DHDDS: variants seen among roughly 807,000 people sequenced by gnomAD.
DHDDS encodes the protein dehydrodolichyl diphosphate synthase subunit.
DHDDS carries 16 observed loss-of-function variants against 46.2 expected under a neutral mutation model. That is an observed-to-expected ratio of 0.35 (90% CI 0.23 to 0.53). The LOEUF (loss-of-function observed/expected upper bound fraction) is 0.53. Ranked by LOEUF, DHDDS falls within the 20% of genes least tolerant of loss-of-function variation. The pLI is 0.94. For synonymous variants in DHDDS, 151 were observed against 163.1 expected (o/e 0.93, Z 0.56); for missense variants, 340 against 423.7 (o/e 0.80, Z 1.73).
At chr1:26,468,821 C>CAAACAA in intron 8 of DHDDS, 74 bp from the exon 9 acceptor site, 5 of 1,546,474 alleles carry the variant, frequency 3.2e-6, no homozygotes, top group Non-Finnish European at 4.4e-6. Context: ...GCCCCACCCC[C>CAAACAA]TACCTCCTCC....
chr1:26,451,338 T>C (rs2075316921), intron 6 of DHDDS, among the ~76,000 whole-genome samples: 1 of 152,056 alleles, frequency 6.6e-6, no homozygotes, highest in African/African-American at 2.4e-5. Flanking sequence ...ATAGCTGGAA[T>C]TTTCCTGATT....
intron 8 of DHDDS, among the ~76,000 whole-genome samples, chr1:26,460,521 A>G (rs932814188): frequency 3.9e-5 from 6 of 152,250 alleles, no homozygotes; most frequent in Non-Finnish European, 7.3e-5. Context: ...TTATTCCTTT[A>G]AAGTATTACC....
intron 4 of DHDDS, among the ~76,000 whole-genome samples, chr1:26,444,084 C>A (rs981617166): frequency 1.3e-5 from 2 of 152,210 alleles, no homozygotes; most frequent in African/African-American, 4.8e-5. Flanking sequence ...ACACTGTGCT[C>A]TGAGAGACAG....
At chr1:26,459,882 CCAG>C (rs1220191955) in intron 7 of DHDDS, among the ~76,000 whole-genome samples, 152 bp from the exon 8 acceptor site, 1 of 152,200 alleles carries the variant, frequency 6.6e-6, no homozygotes, top group Non-Finnish European at 1.5e-5. Flanking sequence ...TGAATCAGGG[CCAG>C]CAGCAGCTGC....
rs17162144 is a variant in DHDDS at position 26,468,154 on chromosome 1, A to C, written c.766-741A>C. The stretch of plus-strand genomic sequence containing the variant: ...CTAACAGAAAGAGTGGATTGTGAAC[A>C]CTAACACTTATTCTACTATGCAGAA... On this transcript the variant is annotated intron_variant, in intron 8 of 8. Transcript: ENST00000236342. Among the ~76,000 whole-genome samples, 631 of 152,310 alleles carry C rather than the reference A, an allele frequency of 4.1e-3. 4 individuals carry two copies. The highest frequency in any genetic ancestry group is 0.014 in the African/African-American group (602 of 41,562).
chr1:26,440,523 C>T (rs772701581), intron 3 of DHDDS, among the ~76,000 whole-genome samples: 24 of 152,126 alleles, frequency 1.6e-4, no homozygotes, highest in Non-Finnish European at 7.4e-5. Context: ...AATAAGATGG[C>T]ACAATGAAAA....
In DHDDS at chr1:26,442,840, C is replaced by T. The variant is rs2075232074; in HGVS notation, c.290C>T (p.Ala97Val). Residue 97 changes from alanine to valine, a missense_variant, in exon 4 of 9, where the codon GCC becomes GTC. Transcript: ENST00000236342. ...KSEVDGLMDL[A>V]RQKFSRLMEE... ...GAGGTAGACGGGCTTATGGATCTGG[C>T]CCGGCAGAAGTTCAGCCGCTTGATG... 2 of 1,614,106 alleles carry T rather than the reference C, an allele frequency of 1.2e-6. No individual in the cohort carries two copies. Among genetic ancestry groups the T allele is most frequent in the Non-Finnish European group, 8.5e-7 (1 of 1,180,036 alleles).
At chr1:26,462,038 T>C (rs1455975152) in intron 8 of DHDDS, among the ~76,000 whole-genome samples, 1 of 151,830 alleles carries the variant, frequency 6.6e-6, no homozygotes, top group African/African-American at 2.4e-5. Flanking sequence ...TGATGATGAT[T>C]AGGATAATCA....
intron 6 of DHDDS, chr1:26,454,999 G>A: frequency 1.4e-6 from 2 of 1,466,064 alleles, no homozygotes; most frequent in Non-Finnish European, 1.9e-6. Flanking sequence ...CTCCACCATT[G>A]TAACGTCGGA....
At position 26,446,190 on chromosome 1, in the gene DHDDS, A is replaced by G. The variant is rs536629978; in HGVS notation, c.324-126A>G. ...TTGAAGGGATGCAATGAAATAATGC[A>G]TGTAGAACAGGGTCTGACACACAGG... is the stretch of plus-strand genomic sequence containing the variant. On this transcript the variant is annotated intron_variant, in intron 4 of 8. Coordinates refer to ENST00000236342, the MANE Select transcript of DHDDS (RefSeq NM_205861.3). 30 of 704,434 alleles carry G rather than the reference A, an allele frequency of 4.3e-5. No homozygotes were observed. The South Asian group carries it at 4.9e-4, about 11-fold the overall frequency. 43.6% of individuals were successfully genotyped at this position (704,434 alleles called of 1,614,324 possible).
chr1:26,468,809 G>GCCCCCCCCCCCCCCCCCCCCCCCCCCCTT, intron 8 of DHDDS, 86 bp from the exon 9 acceptor site: 1 of 997,408 alleles, frequency 1.0e-6, no homozygotes, highest in Non-Finnish European at 1.4e-6. Context: ...GGCCCACCCT[G>GCCCCCCCCCCCCCCCCCCCCCCCCCCCTT]TGCCCCACCC....
chr1:26,454,968 T>G, intron 6 of DHDDS: 1 of 1,591,488 alleles, frequency 6.3e-7, no homozygotes, highest in Non-Finnish European at 8.6e-7. Context: ...CCCCACTGCT[T>G]GGCCTGGGCA....
At chr1:26,464,404 G>A (rs371734398) in intron 8 of DHDDS, among the ~76,000 whole-genome samples, 2 of 152,116 alleles carry the variant, frequency 1.3e-5, no homozygotes, top group South Asian at 4.1e-4. Context: ...CTGCTTTAAG[G>A]CAGATACTAT....
chr1:26,456,338 C>G (rs1166978763), intron 6 of DHDDS, among the ~76,000 whole-genome samples: 1 of 152,096 alleles, frequency 6.6e-6, no homozygotes, highest in African/African-American at 2.4e-5. Flanking sequence ...CACCACTGCA[C>G]TCCAGTCTGG....
intron 3 of DHDDS, 99 bp from the exon 4 acceptor site, chr1:26,442,632 G>A: frequency 7.0e-7 from 1 of 1,428,780 alleles, no homozygotes; most frequent in South Asian, 1.2e-5. Flanking sequence ...AGAAAAGTCT[G>A]TCTCCTATCT....
chr1:26,464,038 G>A (rs558614822), intron 8 of DHDDS, among the ~76,000 whole-genome samples: 36 of 130,240 alleles, frequency 2.8e-4, no homozygotes, highest in African/African-American at 1.0e-3. Context: ...TCACTCTGTC[G>A]CTGGAGAACA....
intron 4 of DHDDS, among the ~76,000 whole-genome samples, chr1:26,444,384 A>G (rs1177639859): frequency 6.6e-6 from 1 of 152,190 alleles, no homozygotes; most frequent in Non-Finnish European, 1.5e-5. Context: ...TTCTTTGGCT[A>G]AAAGAAGGTG....
chr1:26,449,541 C>T (rs1205202967), intron 6 of DHDDS, among the ~76,000 whole-genome samples: 1 of 152,080 alleles, frequency 6.6e-6, no homozygotes, highest in Non-Finnish European at 1.5e-5. Flanking sequence ...GCTGGGACTA[C>T]AGGTGTGTGC....
At chr1:26,445,957 A>G (rs560004969) in intron 4 of DHDDS, among the ~76,000 whole-genome samples, 37 of 152,192 alleles carry the variant, frequency 2.4e-4, no homozygotes, top group African/African-American at 8.7e-4. Context: ...CGGGATGCGG[A>G]GGTTGCAGTG....
Sources: allele counts gnomAD v4.1 joint callset (sites outside exome capture counted in the v4.1 genomes callset), GRCh38; gene constraint gnomAD v4.1.1; transcripts MANE v1.5; gene names NCBI Gene and HGNC (gene_info 2026-07-23, HGNC 2026-07-21).